Variants in PTCD2 observed in about 807,000 individuals in gnomAD.
The protein encoded by PTCD2 is pentatricopeptide repeat domain 2.
A neutral mutation model predicts 42.6 loss-of-function variants in PTCD2; 31 were observed. The ratio of observed to expected loss-of-function variants is 0.73; its 90% CI spans 0.55 to 0.98. The LOEUF is 0.98. Ranked by LOEUF, PTCD2 falls within the 50% of genes least tolerant of loss-of-function variation. The pLI, the probability that PTCD2 is intolerant of heterozygous loss-of-function variation, is 0.00. For missense variants in PTCD2, 476 were observed against 454.8 expected, an observed-to-expected ratio of 1.05 and a Z score of -0.42; for synonymous variants, 183 against 170.9, an observed-to-expected ratio of 1.07 and a Z score of -0.55.
intron 9 of PTCD2, among the ~76,000 whole-genome samples, chr5:72,353,092 T>C (rs899864629): frequency 4.6e-5 from 7 of 152,216 alleles, no homozygotes; most frequent in African/African-American, 1.7e-4. Flanking sequence ...CTTTTCACTC[T>C]CAGTTGATCA....
intron 8 of PTCD2, among the ~76,000 whole-genome samples, chr5:72,346,528 G>A (rs1752368088): frequency 6.6e-6 from 1 of 152,202 alleles, no homozygotes; most frequent in African/African-American, 2.4e-5. Context: ...ACAGGTCTGA[G>A]CAGGTGGGTC....
rs1260641461 is a variant in PTCD2, at chr5:72,364,653, A to G, written c.*6226A>G. The G allele has an allele frequency of 2.6e-5, 4 of 152,184 alleles. No homozygotes were observed. The highest frequency in any genetic ancestry group is 9.7e-5 in the African/African-American group (4 of 41,440). 9.4% of individuals were successfully genotyped at this position (152,184 alleles called of 1,614,324 possible). On this transcript the variant is annotated 3_prime_UTR_variant, in exon 10 of 10. Coordinates refer to ENST00000380639, the MANE Select transcript of PTCD2 (RefSeq NM_024754.5). ...TTAGTTAATATGTACAGTCTGCCAC[A>G]ATATACTTTAGGCATTTCACAGTTT...
At chr5:72,322,135 CAAA>C (rs1483115720) in intron 1 of PTCD2, 34 bp from the exon 2 acceptor site, 1 of 1,134,946 alleles carries the variant, frequency 8.8e-7, no homozygotes, top group Non-Finnish European at 1.3e-6. Flanking sequence ...CTAAAACAGT[CAAA>C]ATGACTTTAC....
chr5:72,343,890 G>T (rs1296611754), intron 8 of PTCD2, among the ~76,000 whole-genome samples: 1 of 152,134 alleles, frequency 6.6e-6, no homozygotes, highest in African/African-American at 2.4e-5. Flanking sequence ...TACTTGTGTG[G>T]GGGGAGTTGC....
chr5:72,338,137 T>G (rs963024503), intron 6 of PTCD2, among the ~76,000 whole-genome samples: 4 of 152,240 alleles, frequency 2.6e-5, no homozygotes, highest in Non-Finnish European at 5.9e-5. Context: ...TTTAAAGGTT[T>G]CTGTTTTCAT....
rs1753023243 is a variant in PTCD2, at chr5:72,359,032, C to G, written c.*605C>G. The G allele has an allele frequency of 6.6e-6, 1 of 152,622 alleles. No individual in the cohort carries two copies. The highest frequency in any genetic ancestry group is 1.9e-4 in the East Asian group (1 of 5,196). The allele number at this position is 152,622 out of a possible 1,614,324, so 9.5% of individuals were successfully genotyped here. A position where few individuals can be genotyped will look rare whatever the true frequency, so the allele number is the denominator to read the frequency against. ...AAGAGAAATAAGGTTCATAAGGAAA[C>G]TTGCTGGGATTGTGGTTGTTTTGTT... On this transcript the variant is annotated 3_prime_UTR_variant, in exon 10 of 10. Coordinates refer to ENST00000380639, the MANE Select transcript of PTCD2 (RefSeq NM_024754.5).
At position 72,331,327 on chromosome 5, in the gene PTCD2, T is replaced by A; in HGVS notation, c.420T>A (p.Cys140Ter). Residue 140 changes from cysteine (C) to a stop codon, truncating the protein, a stop_gained, in exon 4 of 10, where the codon TGT (cysteine) becomes TGA (stop). Transcript: ENST00000380639. LOFTEE classifies it high-confidence loss of function. ...YKFGPLFVRL[C>*]YELDLEESAV... is the part of the protein sequence containing the mutation. ...TTGGACCGCTTTTTGTGAGGTTGTG[T>A]TACGAGTTGGATCTCGAGGAATCTG... The A allele has an allele frequency of 6.2e-7, 1 of 1,614,160 alleles. No homozygotes were observed. Among genetic ancestry groups the A allele is most frequent in the Non-Finnish European group, 8.5e-7 (1 of 1,179,982 alleles).
At position 72,359,173 on chromosome 5, in the gene PTCD2, A is replaced by G. The variant is rs193034106; in HGVS notation, c.*746A>G. On this transcript the variant is annotated 3_prime_UTR_variant, in exon 10 of 10. Transcript: ENST00000380639. ...CCATGTGCTTTTCAAAATAAGTGCCACTAAAAACCACATAATGCTTTGGTT... is the reference window on the plus strand; with the variant it reads ...CCATGTGCTTTTCAAAATAAGTGCCGCTAAAAACCACATAATGCTTTGGTT... The G allele has an allele frequency of 2.0e-3, 309 of 152,334 alleles. 2 individuals are homozygous for G. Among genetic ancestry groups the G allele is most frequent in the African/African-American group, 7.2e-3 (298 of 41,560 alleles). 9.4% of individuals were successfully genotyped at this position (152,334 alleles called of 1,614,324 possible).
At chr5:72,353,951 C>T (rs1162755352) in intron 9 of PTCD2, among the ~76,000 whole-genome samples, 4 of 152,132 alleles carry the variant, frequency 2.6e-5, no homozygotes, top group Non-Finnish European at 4.4e-5. Context: ...ACTTAGCTTT[C>T]AGTCAAAATC....
At chr5:72,332,753 A>G (rs1041770962) in intron 4 of PTCD2, among the ~76,000 whole-genome samples, 2 of 152,316 alleles carry the variant, frequency 1.3e-5, no homozygotes, top group Admixed American at 1.3e-4. Flanking sequence ...TCCTGCTTCT[A>G]GCCGAACTTC....
intron 7 of PTCD2, among the ~76,000 whole-genome samples, chr5:72,342,529 G>C (rs1255633526): frequency 6.6e-6 from 1 of 152,188 alleles, no homozygotes; most frequent in Non-Finnish European, 1.5e-5. Flanking sequence ...GTGAGATATA[G>C]AGCACTGTCT....
Position 72,360,665 on chromosome 5 carries a change from T to G in PTCD2, c.*2238T>G, listed in dbSNP as rs1162192093. ...ATAAGCAGTAGTTTGCCTACATCAT[T>G]TACTTGTTTTTTTCTGCTTTGGGGT... On this transcript the variant is annotated 3_prime_UTR_variant, in exon 10 of 10. Coordinates refer to ENST00000380639, the MANE Select transcript of PTCD2 (RefSeq NM_024754.5). The G allele has an allele frequency of 1.3e-5, 2 of 152,006 alleles. No individual in the cohort carries two copies. The highest frequency in any genetic ancestry group is 2.9e-5 in the Non-Finnish European group (2 of 68,000). 9.4% of individuals were successfully genotyped at this position (152,006 alleles called of 1,614,324 possible).
intron 4 of PTCD2, 55 bp from the exon 5 acceptor site, chr5:72,334,963 C>A: frequency 9.4e-7 from 1 of 1,059,616 alleles, no homozygotes; most frequent in Non-Finnish European, 1.5e-6. Context: ...GTAAAAGTAC[C>A]TCCTCAATAA....
Position 72,368,336 on chromosome 5 carries a change from A to C in PTCD2, c.*9909A>C, listed in dbSNP as rs552359691. The C allele has an allele frequency of 1.3e-5, 2 of 152,344 alleles. No individual in the cohort carries two copies. Among genetic ancestry groups the C allele is most frequent in the South Asian group, 4.1e-4 (2 of 4,822 alleles). 9.4% of individuals were successfully genotyped at this position (152,344 alleles called of 1,614,324 possible). On this transcript the variant is annotated 3_prime_UTR_variant, in exon 10 of 10. Transcript: ENST00000380639. ...GAAGAGTTGGCAAGCAAGCTGGACTAAATGGGCCATGTGCAATTTTGCTGT... is the reference window on the plus strand; with the variant it reads ...GAAGAGTTGGCAAGCAAGCTGGACTCAATGGGCCATGTGCAATTTTGCTGT...
In PTCD2 at chr5:72,358,299, A is replaced by T; in HGVS notation, c.1039A>T (p.Thr347Ser). ...GTLHITGQVT[T>S]DSLDAVLCHT... is the part of the protein sequence containing the mutation. ...ACTGCACATCACTGGCCAGGTCACC[A>T]CTGATTCTTTGGATGCTGTGCTCTG... The change falls in exon 10 of 10, where the codon ACT becomes TCT. Residue 347 changes from threonine (T) to serine (S), a missense_variant. Thr to Ser is a moderately conservative substitution (Grantham distance 58, BLOSUM62 1). Coordinates refer to ENST00000380639, the MANE Select transcript of PTCD2 (RefSeq NM_024754.5). 6.2e-7 allele frequency: 1 copy of T among 1,613,998 alleles called. No individual in the cohort carries two copies. Among genetic ancestry groups the T allele is most frequent in the Non-Finnish European group, 8.5e-7 (1 of 1,179,986 alleles).
rs1274450992 is a variant in PTCD2, at chr5:72,339,959, C to T, written c.753+1224C>T. ...TTTTCCTATGCTTTATTTTTGCAAT[C>T]TTTCTGAATTGTTTTGTTTTAGCTT... On this transcript the variant is annotated intron_variant, in intron 7 of 9. Transcript: ENST00000380639. 1.3e-5 allele frequency among the ~76,000 whole-genome samples: 2 copies of T among 152,024 alleles called. 1 individual carries two copies. The highest frequency in any genetic ancestry group is 2.9e-5 in the Non-Finnish European group (2 of 67,996).
At chr5:72,332,388 A>T (rs1483273255) in intron 4 of PTCD2, among the ~76,000 whole-genome samples, 1 of 152,220 alleles carries the variant, frequency 6.6e-6, no homozygotes, top group Admixed American at 6.5e-5. Flanking sequence ...CCATAAGAAA[A>T]GACACATATT....
Position 72,331,308 on chromosome 5 carries a change from C to G in PTCD2, c.401C>G (p.Pro134Arg), listed in dbSNP as rs182906186. Residue 134 changes from proline to arginine, a missense_variant, in exon 4 of 10, where the codon CCG becomes CGG. Coordinates refer to ENST00000380639, the MANE Select transcript of PTCD2 (RefSeq NM_024754.5). Reference sequence around the variant, plus strand: ...ACTTTGGGGGAGTATAAATTTGGACCGCTTTTTGTGAGGTTGTGTTACGAG... The same window carrying G: ...ACTTTGGGGGAGTATAAATTTGGACGGCTTTTTGTGAGGTTGTGTTACGAG... ...NFTLGEYKFG[P>R]LFVRLCYELD... The G allele has an allele frequency of 6.2e-7, 1 of 1,613,870 alleles. No individual in the cohort carries two copies. Among genetic ancestry groups the G allele is most frequent in the Admixed American group, 1.7e-5 (1 of 60,012 alleles).
intron 8 of PTCD2, among the ~76,000 whole-genome samples, chr5:72,343,686 G>A (rs570680583): frequency 7.9e-5 from 12 of 151,968 alleles, no homozygotes; most frequent in African/African-American, 2.7e-4. Context: ...AAAACTAAAA[G>A]CATAGGAAAA....
Sources: gnomAD v4.1 joint callset for allele counts (sites outside exome capture counted in the v4.1 genomes callset) on GRCh38, gnomAD v4.1.1 for gene constraint, MANE v1.5 for transcripts, NCBI Gene and HGNC (gene_info 2026-07-23, HGNC 2026-07-21) for gene names.